TLN2: variants seen among roughly 807,000 people sequenced by gnomAD.
TLN2 encodes talin-2.
A neutral mutation model predicts 294.7 loss-of-function variants in TLN2; 118 were observed. The ratio of observed to expected loss-of-function variants is 0.40; its 90% CI spans 0.34 to 0.47. TLN2 has a LOEUF of 0.47. TLN2 is among the 20% of genes least tolerant of loss of function. TLN2 has a pLI of 0.84. For missense variants in TLN2, 3,083 were observed against 3,282.2 expected (o/e 0.94, Z 1.48); for synonymous variants, 1,431 against 1,304.5 (o/e 1.10, Z -2.09).
intron 37 of TLN2, among the ~76,000 whole-genome samples, chr15:62,759,923 T>G (rs766353222): frequency 3.9e-5 from 6 of 152,214 alleles, no homozygotes; most frequent in Non-Finnish European, 7.3e-5. Context: ...TGAAGTCTGG[T>G]AAACCCCGAC....
intron 1 of TLN2, among the ~76,000 whole-genome samples, chr15:62,565,512 TC>T (rs1262789103): frequency 6.6e-6 from 1 of 152,328 alleles, no homozygotes; most frequent in Non-Finnish European, 1.5e-5. Context: ...AATTAAGTAC[TC>T]CTGGATTGCT....
chr15:62,588,727 C>A (rs1596264156), intron 1 of TLN2, among the ~76,000 whole-genome samples: 2 of 121,354 alleles, frequency 1.6e-5, no homozygotes, highest in African/African-American at 6.1e-5. Context: ...ATATGAAGGC[C>A]TTTTTAAGAA....
At chr15:62,740,499 G>T in intron 31 of TLN2, 131 bp from the exon 32 acceptor site, 8 of 1,178,044 alleles carry the variant, frequency 6.8e-6, no homozygotes, top group Non-Finnish European at 9.6e-6. Context: ...AGGCATCTGC[G>T]GGCTAACTGG....
chr15:62,697,602 G>C lies in TLN2; in HGVS notation c.1293-86G>C, dbSNP rs527495773. Reference sequence around the variant, plus strand: ...AGTTGGCCTTCACAGCATAAAGCAGGGAACATACGTGACATCTGTGGGGTC... The same window carrying C: ...AGTTGGCCTTCACAGCATAAAGCAGCGAACATACGTGACATCTGTGGGGTC... On this transcript the variant is annotated intron_variant, in intron 14 of 58. Transcript: ENST00000636159. The C allele has an allele frequency of 1.1e-5, 16 of 1,438,992 alleles. No individual in the cohort carries two copies. The African/African-American group carries it at 1.9e-4, about 17-fold the overall frequency. The allele number at this position is 1,438,992 out of a possible 1,614,324, so 89.1% of individuals were successfully genotyped here.
intron 1 of TLN2, among the ~76,000 whole-genome samples, chr15:62,578,756 C>T (rs547931625): frequency 3.0e-4 from 45 of 152,270 alleles, no homozygotes; most frequent in African/African-American, 9.9e-4. Flanking sequence ...TCGTGTGTCC[C>T]TCGCATCAGC....
chr15:62,838,566 G>A (rs2070107067), intron 57 of TLN2, among the ~76,000 whole-genome samples: 1 of 152,198 alleles, frequency 6.6e-6, no homozygotes, highest in African/African-American at 2.4e-5. Flanking sequence ...ACATTGCTGG[G>A]ATCATTTATT....
At chr15:62,591,522 G>A (rs1208135176) in intron 2 of TLN2, among the ~76,000 whole-genome samples, 1 of 152,178 alleles carries the variant, frequency 6.6e-6, no homozygotes, top group Non-Finnish European at 1.5e-5. Flanking sequence ...GCCCATTTGT[G>A]CGAACATCCA....
At chr15:62,813,351 T>C (rs2066842640) in intron 52 of TLN2, among the ~76,000 whole-genome samples, 1 of 152,208 alleles carries the variant, frequency 6.6e-6, no homozygotes, top group South Asian at 2.1e-4. Context: ...ATGGTAGATA[T>C]ATCAATGTCC....
At chr15:62,665,208 A>G (rs2054464843) in intron 9 of TLN2, among the ~76,000 whole-genome samples, 1 of 152,104 alleles carries the variant, frequency 6.6e-6, no homozygotes. Context: ...GACTTCAGGC[A>G]TGCACCATCA....
At chr15:62,817,762 A>G (rs181419437) in intron 52 of TLN2, among the ~76,000 whole-genome samples, 9 of 146,054 alleles carry the variant, frequency 6.2e-5, no homozygotes, top group Admixed American at 2.7e-4. Context: ...ATGAATGTCT[A>G]TTGTGTTCCA....
At chr15:62,801,513 G>C (rs573010031) in intron 50 of TLN2, among the ~76,000 whole-genome samples, 1 of 152,300 alleles carries the variant, frequency 6.6e-6, no homozygotes, top group African/African-American at 2.4e-5. Flanking sequence ...ACCTGCCTTT[G>C]CTGCCAATTG....
At position 62,797,230 on chromosome 15, in the gene TLN2, T is replaced by G; in HGVS notation, c.6062T>G (p.Leu2021Arg). 1 of 1,614,116 alleles carries G rather than the reference T, an allele frequency of 6.2e-7. No homozygotes were observed. Among genetic ancestry groups the G allele is most frequent in the Non-Finnish European group, 8.5e-7 (1 of 1,180,030 alleles). The change falls in exon 48 of 59, where the codon CTC becomes CGC. Residue 2021 changes from leucine to arginine, a missense_variant. Coordinates refer to ENST00000636159, the MANE Select transcript of TLN2 (RefSeq NM_015059.3). ...ETFADHRENI[L>R]KTAKALVEDT... The stretch of plus-strand genomic sequence containing the variant: ...CCTGGCTCTCTCAGGGAGAACATTC[T>G]CAAGACGGCCAAGGCCTTGGTAGAA...
chr15:62,787,851 C>A (rs143649653), intron 45 of TLN2, among the ~76,000 whole-genome samples: 332 of 150,906 alleles, frequency 2.2e-3, no homozygotes, highest in African/African-American at 7.7e-3. Flanking sequence ...ACCATCATGC[C>A]AGGCTGATTT....
chr15:62,764,028 C>T (rs1439306469), intron 40 of TLN2, among the ~76,000 whole-genome samples: 2 of 152,078 alleles, frequency 1.3e-5, no homozygotes, highest in Non-Finnish European at 2.9e-5. Context: ...TAGAGTGGAC[C>T]TAGGTATGTA....
At chr15:62,664,875 A>AAAAAAAAAAAC (rs1555462003) in intron 9 of TLN2, among the ~76,000 whole-genome samples, 1 of 146,488 alleles carries the variant, frequency 6.8e-6, no homozygotes, top group African/African-American at 2.7e-5. Flanking sequence ...AAAAAAAAAA[A>AAAAAAAAAAAC]AAAGTGGCTA....
chr15:62,674,586 C>G (rs928955512), intron 10 of TLN2, among the ~76,000 whole-genome samples: 1 of 149,034 alleles, frequency 6.7e-6, no homozygotes, highest in Non-Finnish European at 1.5e-5. Context: ...CTCCGTACCT[C>G]CCCCCGCCCT....
intron 1 of TLN2, among the ~76,000 whole-genome samples, chr15:62,531,804 T>C (rs1027661368): frequency 1.3e-5 from 2 of 152,144 alleles, no homozygotes; most frequent in Admixed American, 6.5e-5. Context: ...TAGATTTTTT[T>C]CCCCCTAATA....
intron 40 of TLN2, among the ~76,000 whole-genome samples, chr15:62,763,930 T>C (rs1282486106): frequency 6.6e-6 from 1 of 152,164 alleles, no homozygotes; most frequent in African/African-American, 2.4e-5. Flanking sequence ...GGTGGAAAGT[T>C]CAAAAGTAGC....
At chr15:62,466,741 A>G (rs2037156386) in intron 1 of TLN2, among the ~76,000 whole-genome samples, 1 of 152,256 alleles carries the variant, frequency 6.6e-6, no homozygotes, top group Admixed American at 6.5e-5. Flanking sequence ...TGGTCAACAC[A>G]GTTCTGTATT....
Sources: gnomAD v4.1 joint callset for allele counts (sites outside exome capture counted in the v4.1 genomes callset) on GRCh38, gnomAD v4.1.1 for gene constraint, MANE v1.5 for transcripts, NCBI Gene and HGNC (gene_info 2026-07-23, HGNC 2026-07-21) for gene names.